MACROD2: variants seen among roughly 807,000 people sequenced by gnomAD.
The protein encoded by MACROD2 is mono-ADP ribosylhydrolase 2.
A neutral mutation model predicts 70.4 loss-of-function variants in MACROD2; 36 were observed. The observed-to-expected ratio is 0.51, with a 90% CI of 0.39 to 0.68. The LOEUF (loss-of-function observed/expected upper bound fraction) is 0.68. Ranked by LOEUF, MACROD2 falls within the 30% of genes least tolerant of loss-of-function variation. The pLI, the probability that MACROD2 is intolerant of heterozygous loss-of-function variation, is 0.00. For synonymous variants in MACROD2, 172 were observed against 178.8 expected, an observed-to-expected ratio of 0.96 and a Z score of 0.30; for missense variants, 496 against 538.4, an observed-to-expected ratio of 0.92 and a Z score of 0.78.
intron 5 of MACROD2, among the ~76,000 whole-genome samples, chr20:15,151,466 T>G (rs528016219): frequency 6.6e-6 from 1 of 152,112 alleles, no homozygotes; most frequent in African/African-American, 2.4e-5. Flanking sequence ...TTGTACACCT[T>G]GAAGGTGAGG....
chr20:14,204,500 G>A (rs1456066897), intron 3 of MACROD2, among the ~76,000 whole-genome samples: 1 of 152,192 alleles, frequency 6.6e-6, no homozygotes, highest in East Asian at 1.9e-4. Context: ...GTGACCCAGT[G>A]TGAACTCCTC....
chr20:14,514,658 G>A (rs1330491850), intron 4 of MACROD2, among the ~76,000 whole-genome samples: 1 of 152,056 alleles, frequency 6.6e-6, no homozygotes, highest in Admixed American at 6.6e-5. Context: ...GTCAGACTTA[G>A]TAGGGCCCAC....
chr20:15,585,767 A>AT lies in MACROD2; in HGVS notation c.645+85932dup, dbSNP rs11296680. 4.7e-5 allele frequency among the ~76,000 whole-genome samples: 7 copies of AT among 149,584 alleles called. No individual in the cohort carries two copies. In the South Asian group the frequency reaches 6.3e-4, roughly 14 times the overall value. On this transcript the variant is annotated intron_variant, in intron 8 of 17. Coordinates refer to ENST00000684519, the MANE Select transcript of MACROD2 (RefSeq NM_001351661.2). ...CTTCTTTTCCCTATTTCACTGCCTC[A>AT]TTTTTTTTTTTTAATTCACACTTCC...
chr20:14,565,066 C>T (rs1013909192), intron 4 of MACROD2, among the ~76,000 whole-genome samples: 3 of 151,822 alleles, frequency 2.0e-5, no homozygotes, highest in Non-Finnish European at 2.9e-5. Flanking sequence ...ATTATCCTAA[C>T]TGAAATGACT....
chr20:15,839,469 C>T (rs935586625), intron 8 of MACROD2, among the ~76,000 whole-genome samples: 3 of 152,238 alleles, frequency 2.0e-5, no homozygotes, highest in South Asian at 4.1e-4. Flanking sequence ...CTCGTAAGAC[C>T]TTGTGCATTT....
At chr20:15,396,589 G>A (rs1476777676) in intron 6 of MACROD2, among the ~76,000 whole-genome samples, 2 of 152,106 alleles carry the variant, frequency 1.3e-5, no homozygotes, top group East Asian at 1.9e-4. Context: ...AGAGCGTTTT[G>A]GATTTGACAA....
chr20:15,964,510 C>T (rs1336104344), intron 12 of MACROD2, among the ~76,000 whole-genome samples: 1 of 152,110 alleles, frequency 6.6e-6, no homozygotes, highest in Non-Finnish European at 1.5e-5. Context: ...AGGCCCCACC[C>T]CCTAGTGCCA....
rs141162066 is a variant in MACROD2 at position 14,816,925 on chromosome 20, T to C, written c.418+131966T>C. ...AGTGAAAGATACAAGAGTAGCTACA[T>C]AGAATCGAAATAAAACTACTCACGT... On this transcript the variant is annotated intron_variant, in intron 5 of 17. Coordinates refer to ENST00000684519, the MANE Select transcript of MACROD2 (RefSeq NM_001351661.2). Among the ~76,000 whole-genome samples, 4 of 152,166 alleles carry C rather than the reference T, an allele frequency of 2.6e-5. No individual in the cohort carries two copies. The East Asian group carries it at 7.7e-4, about 29-fold the overall frequency.
intron 8 of MACROD2, among the ~76,000 whole-genome samples, chr20:15,669,137 C>G (rs62194064): frequency 0.012 from 1,785 of 152,272 alleles, 13 homozygotes; most frequent in Non-Finnish European, 0.02. Context: ...TATCTCATAA[C>G]TAACTAGCTT....
At chr20:14,056,677 C>G (rs537981212) in intron 2 of MACROD2, among the ~76,000 whole-genome samples, 1 of 151,958 alleles carries the variant, frequency 6.6e-6, no homozygotes, top group Admixed American at 6.5e-5. Flanking sequence ...ATAATATAAT[C>G]AGAGAATAAG....
At chr20:14,415,060 T>G (rs983036289) in intron 3 of MACROD2, among the ~76,000 whole-genome samples, 1 of 152,180 alleles carries the variant, frequency 6.6e-6, no homozygotes, top group Non-Finnish European at 1.5e-5. Context: ...ATGCAGAAAC[T>G]TAGTTTTTTC....
chr20:15,734,512 TAA>T (rs1411947099), intron 8 of MACROD2, among the ~76,000 whole-genome samples: 1 of 152,182 alleles, frequency 6.6e-6, no homozygotes, highest in Non-Finnish European at 1.5e-5. Flanking sequence ...GTGATAATAA[TAA>T]ATTTTCTGTG....
chr20:15,906,764 T>A (rs1601103848), intron 10 of MACROD2, among the ~76,000 whole-genome samples: 1 of 152,246 alleles, frequency 6.6e-6, no homozygotes, highest in East Asian at 1.9e-4. Flanking sequence ...TTTGGATTGG[T>A]CTGATGTTTT....
intron 2 of MACROD2, among the ~76,000 whole-genome samples, chr20:14,034,058 G>A (rs1385083787): frequency 2.0e-5 from 3 of 151,942 alleles, no homozygotes; most frequent in Admixed American, 2.0e-4. Flanking sequence ...TGCAAGCTCC[G>A]CCTCCAGGGT....
Position 15,730,683 on chromosome 20 carries a change from C to G in MACROD2, c.646-132062C>G, listed in dbSNP as rs761123485. 3.3e-5 allele frequency among the ~76,000 whole-genome samples: 5 copies of G among 151,654 alleles called. No homozygotes were observed. In the South Asian group the frequency reaches 1.0e-3, roughly 32 times the overall value. On this transcript the variant is annotated intron_variant, in intron 8 of 17. Coordinates refer to ENST00000684519, the MANE Select transcript of MACROD2 (RefSeq NM_001351661.2). ...TGTTTTGGGGATAGTTCTCTCGTAC[C>G]GTATCTTGCAAGGATTCTCTCCATT...
chr20:14,757,918 G>A, intron 5 of MACROD2: 2 of 1,207,226 alleles, frequency 1.7e-6, no homozygotes, highest in Non-Finnish European at 2.5e-6. Flanking sequence ...TCACAAGAGG[G>A]AAAGCCGACA....
intron 5 of MACROD2, among the ~76,000 whole-genome samples, chr20:14,921,803 A>G (rs2074167177): frequency 6.6e-6 from 1 of 152,228 alleles, no homozygotes; most frequent in South Asian, 2.1e-4. Flanking sequence ...AAAATAGTCC[A>G]ATGAAGAAAT....
chr20:14,800,531 G>A (rs1461742290), intron 5 of MACROD2, among the ~76,000 whole-genome samples: 1 of 152,118 alleles, frequency 6.6e-6, no homozygotes, highest in Admixed American at 6.5e-5. Flanking sequence ...CGTATCTGAT[G>A]AGAGTAGGTT....
chr20:14,343,810 A>G (rs2122670583), intron 3 of MACROD2, among the ~76,000 whole-genome samples: 1 of 152,314 alleles, frequency 6.6e-6, no homozygotes, highest in African/African-American at 2.4e-5. Context: ...CTGATTATTG[A>G]CATGTGGATC....
Sources: allele counts gnomAD v4.1 joint callset (sites outside exome capture counted in the v4.1 genomes callset), GRCh38; gene constraint gnomAD v4.1.1; transcripts MANE v1.5; gene names NCBI Gene and HGNC (gene_info 2026-07-23, HGNC 2026-07-21).